Variants in ZNF865 observed in about 807,000 individuals in gnomAD.
The protein encoded by ZNF865 is zinc finger protein 865.
For missense variants in ZNF865, 1,311 were observed against 1,593.4 expected, an observed-to-expected ratio of 0.82 and a Z score of 3.02; for synonymous variants, 763 against 750.8, an observed-to-expected ratio of 1.02 and a Z score of -0.27.
At chr19:55,605,958 C>T (rs1980923777) in intron 1 of ZNF865, among the ~76,000 whole-genome samples, 1 of 152,076 alleles carries the variant, frequency 6.6e-6, no homozygotes, top group African/African-American at 2.4e-5. Context: ...CGCTTTCATT[C>T]GTGGCGATCC....
At chr19:55,613,248 G>A (rs1298402925) in intron 1 of ZNF865, among the ~76,000 whole-genome samples, 1 of 152,186 alleles carries the variant, frequency 6.6e-6, no homozygotes, top group South Asian at 2.1e-4. Context: ...ATAATAGAGG[G>A]CCTGCAGGTG....
At chr19:55,608,158 G>A (rs949434189) in intron 1 of ZNF865, among the ~76,000 whole-genome samples, 2 of 152,162 alleles carry the variant, frequency 1.3e-5, no homozygotes, top group Admixed American at 1.3e-4. Flanking sequence ...GACCAAAGAT[G>A]GGGAGGAGGT....
In ZNF865 at chr19:55,613,912, GTCCTCCTCC is replaced by G; in HGVS notation, c.303_311del (p.Ser115_Ser117del). ...AGGTGCCCTCCTCGTCCTCGTCCTC[GTCCTCCTCC>G]TCCTCCTCTTCGTCCTCCTCGTCGT... On this transcript the variant is annotated inframe_deletion, in exon 2 of 2. Coordinates refer to ENST00000568956, the MANE Select transcript of ZNF865 (RefSeq NM_001195605.2). 7.9e-6 allele frequency: 12 copies of G among 1,510,776 alleles called. No individual in the cohort carries two copies. Among genetic ancestry groups the G allele is most frequent in the Non-Finnish European group, 1.1e-5 (12 of 1,127,360 alleles). 93.6% of individuals were successfully genotyped at this position (1,510,776 alleles called of 1,614,324 possible).
chr19:55,616,908 T>C lies in ZNF865; in HGVS notation c.*110T>C. On this transcript the variant is annotated 3_prime_UTR_variant, in exon 2 of 2. Transcript: ENST00000568956. Reference sequence around the variant, plus strand: ...CGCTGTTGCCCCATCCTTCAGAACTTCACACGGACTGGCGACCTTCAGGGC... The same window carrying C: ...CGCTGTTGCCCCATCCTTCAGAACTCCACACGGACTGGCGACCTTCAGGGC... The C allele has an allele frequency of 8.1e-7, 1 of 1,228,534 alleles. No homozygotes were observed. Among genetic ancestry groups the C allele is most frequent in the South Asian group, 1.9e-5 (1 of 53,898 alleles). The allele number at this position is 1,228,534 out of a possible 1,614,324, so 76.1% of individuals were successfully genotyped here. A position where few individuals can be genotyped will look rare whatever the true frequency, so the allele number is the denominator to read the frequency against.
chr19:55,613,521 G>T, intron 1 of ZNF865, 72 bp from the exon 2 acceptor site: 2 of 1,312,646 alleles, frequency 1.5e-6, no homozygotes, highest in Non-Finnish European at 2.0e-6. Flanking sequence ...ATGAGTGGGC[G>T]CACAGCTCCA....
At chr19:55,607,901 T>G (rs750071161) in intron 1 of ZNF865, among the ~76,000 whole-genome samples, 2 of 152,098 alleles carry the variant, frequency 1.3e-5, no homozygotes, top group Non-Finnish European at 2.9e-5. Context: ...CAAACAAAAA[T>G]GTATCAAGCC....
intron 1 of ZNF865, chr19:55,612,888 C>A (rs1169862352): frequency 6.6e-6 from 1 of 152,254 alleles, no homozygotes; most frequent in Non-Finnish European, 1.5e-5. Flanking sequence ...GCCCCAGAGT[C>A]CTCCCTCCTA....
At position 55,615,304 on chromosome 19, in the gene ZNF865, C is replaced by T; in HGVS notation, c.1686C>T (p.Arg562=). The T allele has an allele frequency of 6.5e-7, 1 of 1,526,890 alleles. No individual in the cohort carries two copies. The highest frequency in any genetic ancestry group is 1.2e-5 in the South Asian group (1 of 82,682). The allele number at this position is 1,526,890 out of a possible 1,614,324, so 94.6% of individuals were successfully genotyped here. The change falls in exon 2 of 2, where the codon CGC becomes CGT. Residue 562 remains arginine, a synonymous_variant. Coordinates refer to ENST00000568956, the MANE Select transcript of ZNF865 (RefSeq NM_001195605.2). ...TCTGCGGGCGCGGCTTCGGGCGCCGCGAGACCCTGAAGCGCCATGAGCGCA... is the reference window on the plus strand; with the variant it reads ...TCTGCGGGCGCGGCTTCGGGCGCCGTGAGACCCTGAAGCGCCATGAGCGCA... ...CGICGRGFGR[R]ETLKRHERIH...
chr19:55,615,884 G>C lies in ZNF865; in HGVS notation c.2266G>C (p.Glu756Gln). 2 of 1,477,844 alleles carry C rather than the reference G, an allele frequency of 1.4e-6. No individual in the cohort carries two copies. The highest frequency in any genetic ancestry group is 1.8e-6 in the Non-Finnish European group (2 of 1,122,084). 91.5% of individuals were successfully genotyped at this position (1,477,844 alleles called of 1,614,324 possible). A position where few individuals can be genotyped will look rare whatever the true frequency, so the allele number is the denominator to read the frequency against. ...CGTGCTGGACAACGGGCTGGCGGGG[G>C]AGGTGGGGGCGGCCGTGGCGGCACT... Reference protein sequence around the residue: ...ASVLDNGLAGEVGAAVAALAG... With the variant: ...ASVLDNGLAGQVGAAVAALAG... The change falls in exon 2 of 2, where the codon GAG (glutamate) becomes CAG (glutamine). Residue 756 changes from glutamate to glutamine, a missense_variant. Glu to Gln is a conservative substitution (Grantham distance 29). Transcript: ENST00000568956.
In ZNF865 at chr19:55,614,206, AC is replaced by A; in HGVS notation, c.594del (p.Ala199ArgfsTer18). On this transcript the variant is annotated frameshift_variant, in exon 2 of 2. Transcript: ENST00000568956. LOFTEE classifies it low-confidence loss of function (END_TRUNC). The surrounding 1 kb of genome is among the most constrained non-coding windows in gnomAD (Gnocchi z 8.0). ...LPAPSQTPPG[P>X]PAAAACDPTK... ...CTGCCCCCTCGCAGACCCCGCCAGG[AC>A]CCCCCGCGGCGGCGGCCTGCGACCC... 6.0e-6 allele frequency: 9 copies of A among 1,500,150 alleles called. No individual in the cohort carries two copies. Among genetic ancestry groups the A allele is most frequent in the East Asian group, 5.4e-5 (2 of 36,864 alleles). The allele number at this position is 1,500,150 out of a possible 1,614,324, so 92.9% of individuals were successfully genotyped here.
rs1178768023 is a variant in ZNF865 at position 55,615,935 on chromosome 19, G to A, written c.2317G>A (p.Ala773Thr). ...GGCAGGGGTGTCTGGGGGTGAGGACGCAGGCGGGGCGGCGGTGGCAGGTGC... is the reference window on the plus strand; with the variant it reads ...GGCAGGGGTGTCTGGGGGTGAGGACACAGGCGGGGCGGCGGTGGCAGGTGC... ...ALAGVSGGED[A>T]GGAAVAGAGG... The change falls in exon 2 of 2, where the codon GCA becomes ACA. Residue 773 changes from alanine to threonine, a missense_variant. Physicochemically the swap from Ala to Thr is moderately conservative, Grantham distance 58. Transcript: ENST00000568956. 1 of 1,501,954 alleles carries A rather than the reference G, an allele frequency of 6.7e-7. No individual in the cohort carries two copies. Among genetic ancestry groups the A allele is most frequent in the East Asian group, 2.6e-5 (1 of 39,188 alleles). The allele number at this position is 1,501,954 out of a possible 1,614,324, so 93.0% of individuals were successfully genotyped here.
Position 55,616,675 on chromosome 19 carries a change from C to G in ZNF865, c.3057C>G (p.Cys1019Trp). 1 of 1,530,486 alleles carries G rather than the reference C, an allele frequency of 6.5e-7. No homozygotes were observed. Among genetic ancestry groups the G allele is most frequent in the Non-Finnish European group, 8.7e-7 (1 of 1,144,488 alleles). The allele number at this position is 1,530,486 out of a possible 1,614,324, so 94.8% of individuals were successfully genotyped here. A position where few individuals can be genotyped will look rare whatever the true frequency, so the allele number is the denominator to read the frequency against. The stretch of plus-strand genomic sequence containing the variant: ...ACCAGGGCGGCCGGCCCTTCCGCTG[C>G]TCCTCCTGCGGCGAGGGCTTCGCCA... ...AAHQGGRPFR[C>W]SSCGEGFANT... is the part of the protein sequence containing the mutation. The change falls in exon 2 of 2, where the codon TGC becomes TGG. Residue 1019 changes from cysteine to tryptophan, a missense_variant. Physicochemically the swap from Cys to Trp is radical, Grantham distance 215 (BLOSUM62 -2). Coordinates refer to ENST00000568956, the MANE Select transcript of ZNF865 (RefSeq NM_001195605.2).
Position 55,616,806 on chromosome 19 carries a change from G to T in ZNF865, c.*8G>T. The T allele has an allele frequency of 6.9e-7, 1 of 1,439,038 alleles. No homozygotes were observed. The highest frequency in any genetic ancestry group is 1.4e-5 in the African/African-American group (1 of 69,466). The allele number at this position is 1,439,038 out of a possible 1,614,324, so 89.1% of individuals were successfully genotyped here. On this transcript the variant is annotated 3_prime_UTR_variant, in exon 2 of 2. Transcript: ENST00000568956. ...GCCGGGAAGGATGCCTGACCGAGGG[G>T]TTCCCATCCCACTCCCATCAAAAGC...
At position 55,611,329 on chromosome 19, in the gene ZNF865, C is replaced by A. The variant is rs1448041879; in HGVS notation, c.-26-2264C>A. ...CAAGCTAGTCAGGGGCTTCTTTCCC[C>A]AAACACTCTTGCCCTCCCTCCCCAT... On this transcript the variant is annotated intron_variant, in intron 1 of 1. Transcript: ENST00000568956. The surrounding 1 kb of genome is among the most constrained non-coding windows in gnomAD (Gnocchi z 4.5). Among the ~76,000 whole-genome samples the A allele has an allele frequency of 6.6e-6, 1 of 152,072 alleles. No individual in the cohort carries two copies. The highest frequency in any genetic ancestry group is 2.4e-5 in the African/African-American group (1 of 41,402).
intron 1 of ZNF865, among the ~76,000 whole-genome samples, chr19:55,606,912 AAG>A: frequency 2.0e-5 from 3 of 152,190 alleles, no homozygotes; most frequent in Admixed American, 6.5e-5. Flanking sequence ...GCTGAATTAC[AAG>A]TGGCAGCTTA....
At chr19:55,613,450 A>G in intron 1 of ZNF865, 143 bp from the exon 2 acceptor site, 2 of 728,162 alleles carry the variant, frequency 2.7e-6, no homozygotes, top group Non-Finnish European at 4.2e-6. Context: ...TTTGGGGTGG[A>G]CAGGCAGAGG....
chr19:55,606,418 C>T (rs1031914162), intron 1 of ZNF865, among the ~76,000 whole-genome samples: 1 of 152,224 alleles, frequency 6.6e-6, no homozygotes, highest in Non-Finnish European at 1.5e-5. Context: ...CCTCTCCCGC[C>T]TCAGGTAGAA....
Position 55,616,996 on chromosome 19 carries a change from C to T in ZNF865, c.*198C>T. On this transcript the variant is annotated 3_prime_UTR_variant, in exon 2 of 2. Coordinates refer to ENST00000568956, the MANE Select transcript of ZNF865 (RefSeq NM_001195605.2). ...CTCGACCTCTCTGCCCTCCCCTCAT[C>T]CCATCAGACACTGAACCCTATCCTC... 1 of 507,370 alleles carries T rather than the reference C, an allele frequency of 2.0e-6. No homozygotes were observed. The highest frequency in any genetic ancestry group is 3.3e-6 in the Non-Finnish European group (1 of 302,280). 31.4% of individuals were successfully genotyped at this position (507,370 alleles called of 1,614,324 possible). A position where few individuals can be genotyped will look rare whatever the true frequency, so the allele number is the denominator to read the frequency against.
At chr19:55,613,516 T>C in intron 1 of ZNF865, 77 bp from the exon 2 acceptor site, 1 of 1,292,852 alleles carries the variant, frequency 7.7e-7, no homozygotes, top group South Asian at 1.6e-5. Context: ...GATGGATGAG[T>C]GGGCGCACAG....
Sources: allele counts gnomAD v4.1 joint callset (sites outside exome capture counted in the v4.1 genomes callset), GRCh38; gene constraint gnomAD v4.1.1; non-coding constraint Gnocchi (gnomAD v3.1); transcripts MANE v1.5; gene names NCBI Gene and HGNC (gene_info 2026-07-23, HGNC 2026-07-21).